Variants in SFMBT2 observed in about 807,000 individuals in gnomAD.
The protein encoded by SFMBT2 is scm-like with four MBT domains protein 2.
SFMBT2 carries 38 observed loss-of-function variants against 110.1 expected under a neutral mutation model. The ratio of observed to expected loss-of-function variants is 0.35; its 90% CI spans 0.27 to 0.45. The LOEUF (loss-of-function observed/expected upper bound fraction) is 0.45, where lower values mean the gene tolerates loss of function less well. Among genes scored for constraint, SFMBT2 ranks in the 20% least tolerant of loss-of-function variants. The pLI, the probability that SFMBT2 is intolerant of heterozygous loss-of-function variation, is 1.00. For synonymous variants in SFMBT2, 425 were observed against 425.4 expected (o/e 1.00, Z 0.01); for missense variants, 1,011 against 1,094.9 (o/e 0.92, Z 1.08).
intron 4 of SFMBT2, among the ~76,000 whole-genome samples, chr10:7,338,645 CAG>C (rs1311060486): frequency 1.3e-5 from 2 of 152,178 alleles, no homozygotes; most frequent in Non-Finnish European, 2.9e-5. Flanking sequence ...CTTGCTGTCT[CAG>C]GGGTGGCAGA....
intron 4 of SFMBT2, among the ~76,000 whole-genome samples, chr10:7,316,163 G>A (rs1180712269): frequency 6.6e-6 from 1 of 152,212 alleles, no homozygotes; most frequent in Admixed American, 6.5e-5. Context: ...GTTCTAATTA[G>A]TGAATGGGTT....
intron 6 of SFMBT2, among the ~76,000 whole-genome samples, chr10:7,283,322 T>G (rs1408742315): frequency 1.3e-5 from 2 of 152,208 alleles, no homozygotes; most frequent in African/African-American, 2.4e-5. Context: ...AACTAAAATC[T>G]TACATGCCAG....
At chr10:7,227,050 A>T (rs1162421941) in intron 10 of SFMBT2, among the ~76,000 whole-genome samples, 2 of 152,202 alleles carry the variant, frequency 1.3e-5, no homozygotes, top group African/African-American at 4.8e-5. Context: ...GCATGTGCAC[A>T]CACACACACA....
At chr10:7,321,308 T>TC (rs1165090960) in intron 4 of SFMBT2, among the ~76,000 whole-genome samples, 5 of 151,896 alleles carry the variant, frequency 3.3e-5, no homozygotes, top group Non-Finnish European at 7.4e-5. Context: ...TTCATGCCAT[T>TC]CTCCTGCCTC....
At chr10:7,335,309 A>T (rs1203886794) in intron 4 of SFMBT2, among the ~76,000 whole-genome samples, 1 of 152,204 alleles carries the variant, frequency 6.6e-6, no homozygotes, top group Non-Finnish European at 1.5e-5. Flanking sequence ...TGTCTATTTG[A>T]CAATTTTTAA....
At chr10:7,226,112 G>GGA (rs1277232412) in intron 10 of SFMBT2, among the ~76,000 whole-genome samples, 2 of 152,152 alleles carry the variant, frequency 1.3e-5, no homozygotes, top group Non-Finnish European at 1.5e-5. Flanking sequence ...GCAATCCTGC[G>GGA]GAGAGCCCGG....
intron 16 of SFMBT2, among the ~76,000 whole-genome samples, chr10:7,184,459 A>C (rs1479532401): frequency 6.6e-6 from 1 of 152,204 alleles, no homozygotes; most frequent in Non-Finnish European, 1.5e-5. Context: ...CTCCCCAGCC[A>C]CGTGGAACTG....
intron 4 of SFMBT2, among the ~76,000 whole-genome samples, chr10:7,322,910 T>C (rs1843241300): frequency 6.6e-6 from 1 of 152,226 alleles, no homozygotes; most frequent in Admixed American, 6.5e-5. Context: ...TGTCTCATTA[T>C]CATCAGAGAA....
chr10:7,257,017 C>T (rs895131063), intron 7 of SFMBT2, among the ~76,000 whole-genome samples: 6 of 143,736 alleles, frequency 4.2e-5, no homozygotes, highest in Admixed American at 7.3e-5. Context: ...GCTTGAACTC[C>T]GGAGGCAGAA....
intron 16 of SFMBT2, among the ~76,000 whole-genome samples, chr10:7,187,544 T>C (rs1047369974): frequency 1.3e-5 from 2 of 152,234 alleles, no homozygotes; most frequent in African/African-American, 4.8e-5. Context: ...TTTGGTGATT[T>C]GGCAGATTAT....
chr10:7,349,440 C>CT (rs369479041), intron 4 of SFMBT2, among the ~76,000 whole-genome samples: 933 of 46,866 alleles, frequency 0.02, 207 homozygotes, highest in African/African-American at 0.074. Context: ...CTTTTCTTTT[C>CT]TTTTTTTTTT....
At chr10:7,211,366 C>T (rs886372146) in intron 11 of SFMBT2, among the ~76,000 whole-genome samples, 6 of 152,098 alleles carry the variant, frequency 3.9e-5, no homozygotes, top group African/African-American at 1.4e-4. Flanking sequence ...ATGTGCTCAC[C>T]GGGAAGTCAC....
intron 15 of SFMBT2, among the ~76,000 whole-genome samples, chr10:7,189,755 C>T (rs1838539633): frequency 6.6e-6 from 1 of 152,212 alleles, no homozygotes; most frequent in Non-Finnish European, 1.5e-5. Context: ...AAGGAGCACG[C>T]CAGGCATGGA....
At chr10:7,388,231 T>C (rs1423076882) in intron 1 of SFMBT2, among the ~76,000 whole-genome samples, 1 of 139,924 alleles carries the variant, frequency 7.1e-6, no homozygotes, top group East Asian at 2.0e-4. Context: ...CCAATGGAGT[T>C]TTTTTTTTTT....
At chr10:7,228,752 CT>C (rs1564395506) in intron 9 of SFMBT2, among the ~76,000 whole-genome samples, 15 of 94,060 alleles carry the variant, frequency 1.6e-4, no homozygotes, top group South Asian at 4.3e-4. Context: ...CTCTCTCTCT[CT>C]CTCTCTCTCT....
At chr10:7,342,760 A>G (rs1843968222) in intron 4 of SFMBT2, among the ~76,000 whole-genome samples, 1 of 152,214 alleles carries the variant, frequency 6.6e-6, no homozygotes, top group South Asian at 2.1e-4. Context: ...AAAAAATATA[A>G]TCACTCGTGT....
chr10:7,277,709 T>G (rs1447267891), intron 6 of SFMBT2, among the ~76,000 whole-genome samples: 1 of 152,128 alleles, frequency 6.6e-6, no homozygotes, highest in Non-Finnish European at 1.5e-5. Context: ...TGGCCTGATC[T>G]CAACAGATTT....
intron 4 of SFMBT2, among the ~76,000 whole-genome samples, chr10:7,315,429 C>T (rs901960961): frequency 1.4e-4 from 22 of 152,202 alleles, no homozygotes; most frequent in African/African-American, 3.9e-4. Context: ...TCCCACCTTC[C>T]AACTCTATCT....
At chr10:7,238,306 T>C (rs750601414) in intron 9 of SFMBT2, among the ~76,000 whole-genome samples, 1 of 152,114 alleles carries the variant, frequency 6.6e-6, no homozygotes, top group Non-Finnish European at 1.5e-5. Flanking sequence ...GTATGGGGCA[T>C]GAGAAACAGA....
Sources: gnomAD v4.1 joint callset for allele counts (sites outside exome capture counted in the v4.1 genomes callset) on GRCh38, gnomAD v4.1.1 for gene constraint, MANE v1.5 for transcripts, NCBI Gene and HGNC (gene_info 2026-07-23, HGNC 2026-07-21) for gene names.